Variants in ZFYVE28 observed in about 807,000 individuals in gnomAD.
ZFYVE28 encodes lateral signaling target protein 2 homolog.
ZFYVE28 carries 40 observed loss-of-function variants against 82.1 expected under a neutral mutation model. That is an observed-to-expected ratio of 0.49 (90% CI 0.38 to 0.63). The LOEUF (loss-of-function observed/expected upper bound fraction) is 0.63, where lower values mean the gene tolerates loss of function less well. ZFYVE28 is among the 30% of genes least tolerant of loss of function. The pLI is 0.00. For missense variants in ZFYVE28, 1,321 were observed against 1,242.1 expected, an observed-to-expected ratio of 1.06 and a Z score of -0.96; for synonymous variants, 612 against 546.1, an observed-to-expected ratio of 1.12 and a Z score of -1.68.
At chr4:2,381,681 A>G (rs1480334256) in intron 1 of ZFYVE28, among the ~76,000 whole-genome samples, 1 of 152,244 alleles carries the variant, frequency 6.6e-6, no homozygotes, top group Non-Finnish European at 1.5e-5. Flanking sequence ...TGCTGGGATT[A>G]TAGGCGTGAG....
chr4:2,339,220 G>A lies in ZFYVE28; in HGVS notation c.521+233C>T, dbSNP rs754975357. Among the ~76,000 whole-genome samples the A allele has an allele frequency of 3.2e-4, 48 of 150,308 alleles. No homozygotes were observed. The highest frequency in any genetic ancestry group is 3.5e-3 in the Middle Eastern group (1 of 288). ...AGCCCTTCCCCTGGAGGCCCACGGC[G>A]GCCAGATCCACACCTGTGTCCTCTG... On this transcript the variant is annotated intron_variant, in intron 4 of 12. Transcript: ENST00000290974. This position sits in a 1 kb window ranked among gnomAD's most constrained non-coding sequence, Gnocchi z 5.0.
At chr4:2,354,301 C>A (rs1017727814) in intron 1 of ZFYVE28, among the ~76,000 whole-genome samples, 1 of 152,140 alleles carries the variant, frequency 6.6e-6, no homozygotes, top group Non-Finnish European at 1.5e-5. Flanking sequence ...AGGGCCCCTG[C>A]ATTTCACCCC....
At chr4:2,412,091 G>A (rs1172686780) in intron 1 of ZFYVE28, among the ~76,000 whole-genome samples, 2 of 152,176 alleles carry the variant, frequency 1.3e-5, no homozygotes, top group Non-Finnish European at 2.9e-5. Context: ...TCCTCAGGGG[G>A]ACCTGTAACC....
intron 1 of ZFYVE28, among the ~76,000 whole-genome samples, chr4:2,401,307 C>A (rs1261244805): frequency 6.6e-6 from 1 of 152,214 alleles, no homozygotes; most frequent in Non-Finnish European, 1.5e-5. Context: ...TGCAGAGCCA[C>A]CCCAGGGGTG....
Position 2,418,498 on chromosome 4 carries a change from G to T in ZFYVE28, c.-175C>A. On this transcript the variant is annotated 5_prime_UTR_variant, in exon 1 of 13. Transcript: ENST00000290974. This position sits in a 1 kb window ranked among gnomAD's most constrained non-coding sequence, Gnocchi z 4.6. ...AGCGGGCGGCGGGCAGGTGCGCGGGGCAGGTGCGCGGCCCTGAGTATGCTC... is the reference window on the plus strand; with the variant it reads ...AGCGGGCGGCGGGCAGGTGCGCGGGTCAGGTGCGCGGCCCTGAGTATGCTC... The T allele has an allele frequency of 7.3e-6, 2 of 274,446 alleles. No homozygotes were observed. The highest frequency in any genetic ancestry group is 1.1e-5 in the Non-Finnish European group (2 of 177,408). The allele number at this position is 274,446 out of a possible 1,614,324, so 17.0% of individuals were successfully genotyped here. A position where few individuals can be genotyped will look rare whatever the true frequency, so the allele number is the denominator to read the frequency against.
In ZFYVE28 at chr4:2,372,038, C is replaced by T. The variant is rs895247652; in HGVS notation, c.40-17965G>A. Among the ~76,000 whole-genome samples, 5 of 152,044 alleles carry T rather than the reference C, an allele frequency of 3.3e-5. No individual in the cohort carries two copies. Among genetic ancestry groups the T allele is most frequent in the Non-Finnish European group, 7.4e-5 (5 of 67,992 alleles). Reference sequence around the variant, plus strand: ...GCTGGCAGGGGTGCAAGGCCATGCACGAGCCTCAGGTCAGCCCAGTGGAAG... The same window carrying T: ...GCTGGCAGGGGTGCAAGGCCATGCATGAGCCTCAGGTCAGCCCAGTGGAAG... On this transcript the variant is annotated intron_variant, in intron 1 of 12. Coordinates refer to ENST00000290974, the MANE Select transcript of ZFYVE28 (RefSeq NM_020972.3). This position sits in a 1 kb window ranked among gnomAD's most constrained non-coding sequence, Gnocchi z 5.2.
rs534442666 is a variant in ZFYVE28, at chr4:2,321,458, C to T, written c.702-1187G>A. ...TATGTGCAGTGCTGCCTCCGGGGCCCCTGTGGAGTGGCCAGCTCAGCTGGG... is the reference window on the plus strand; with the variant it reads ...TATGTGCAGTGCTGCCTCCGGGGCCTCTGTGGAGTGGCCAGCTCAGCTGGG... On this transcript the variant is annotated intron_variant, in intron 6 of 12. Transcript: ENST00000290974. 3.3e-5 allele frequency among the ~76,000 whole-genome samples: 5 copies of T among 152,220 alleles called. No individual in the cohort carries two copies. The South Asian group carries it at 1.0e-3, about 32-fold the overall frequency.
At chr4:2,351,137 G>A (rs1030432439) in intron 2 of ZFYVE28, among the ~76,000 whole-genome samples, 1 of 152,142 alleles carries the variant, frequency 6.6e-6, no homozygotes, top group Non-Finnish European at 1.5e-5. Context: ...GTGGGACTGA[G>A]CCCTCACCCT....
chr4:2,279,635 G>A (rs969784751), intron 8 of ZFYVE28, among the ~76,000 whole-genome samples: 1 of 151,978 alleles, frequency 6.6e-6, no homozygotes, highest in Non-Finnish European at 1.5e-5. Context: ...AAAAAAATTA[G>A]CCAGGCATGG....
At chr4:2,373,754 C>T (rs986514579) in intron 1 of ZFYVE28, among the ~76,000 whole-genome samples, 2 of 152,174 alleles carry the variant, frequency 1.3e-5, no homozygotes, top group African/African-American at 4.8e-5. Context: ...GTGTTCAGCT[C>T]ATTCTAAAAG....
In ZFYVE28 at chr4:2,305,320, C is replaced by A. The variant is rs1387073648; in HGVS notation, c.1020G>T (p.Gln340His). The A allele has an allele frequency of 1.2e-6, 2 of 1,613,198 alleles. No individual in the cohort carries two copies. The highest frequency in any genetic ancestry group is 1.7e-6 in the Non-Finnish European group (2 of 1,180,042). Residue 340 changes from glutamine (Q) to histidine (H), a missense_variant, in exon 8 of 13, where the codon CAG becomes CAT. Physicochemically the swap from Gln to His is conservative, Grantham distance 24. Around this residue, in one of 2 missense-constraint regions of ZFYVE28, gnomAD observed 978 missense variants for 833.7 expected, o/e 1.17. Coordinates refer to ENST00000290974, the MANE Select transcript of ZFYVE28 (RefSeq NM_020972.3). ...ELACSMQYDD[Q>H]ELEQLSRMVH... ...CCATGCGGCTGAGCTGCTCCAGCTCCTGGTCGTCGTACTGCATGGAGCAGG... is the reference window on the plus strand; with the variant it reads ...CCATGCGGCTGAGCTGCTCCAGCTCATGGTCGTCGTACTGCATGGAGCAGG...
intron 8 of ZFYVE28, among the ~76,000 whole-genome samples, chr4:2,281,283 G>A (rs924682194): frequency 5.3e-5 from 8 of 152,162 alleles, no homozygotes; most frequent in African/African-American, 1.9e-4. Context: ...GGATTTCACC[G>A]AGAGCATGAG....
At chr4:2,308,667 A>AAC (rs1553830639) in intron 7 of ZFYVE28, among the ~76,000 whole-genome samples, 1 of 100,006 alleles carries the variant, frequency 1.0e-5, no homozygotes, top group Non-Finnish European at 2.1e-5. Context: ...GAAAGAAAGA[A>AAC]AGAAAGAAAG....
intron 4 of ZFYVE28, 110 bp from the exon 5 acceptor site, chr4:2,337,606 G>A (rs1722047782): frequency 2.5e-6 from 2 of 809,346 alleles, no homozygotes; most frequent in African/African-American, 1.7e-5. Flanking sequence ...CAAGGTGGGG[G>A]CGGGGGGCCT....
rs192145320 is a variant in ZFYVE28, at chr4:2,339,842, G to A, written c.319-187C>T. ...CAGAGCAATCGTGAGGGCGATAACCGATGTCCCCCAATGTGACCCACGGGG... is the reference window on the plus strand; with the variant it reads ...CAGAGCAATCGTGAGGGCGATAACCAATGTCCCCCAATGTGACCCACGGGG... On this transcript the variant is annotated intron_variant, in intron 3 of 12. Transcript: ENST00000290974. The surrounding 1 kb of genome is among the most constrained non-coding windows in gnomAD (Gnocchi z 5.0). 7.9e-4 allele frequency among the ~76,000 whole-genome samples: 120 copies of A among 151,728 alleles called. No homozygotes were observed. The highest frequency in any genetic ancestry group is 2.7e-3 in the African/African-American group (110 of 41,416).
chr4:2,386,395 G>C (rs147943796), intron 1 of ZFYVE28, among the ~76,000 whole-genome samples: 1 of 152,202 alleles, frequency 6.6e-6, no homozygotes, highest in Non-Finnish European at 1.5e-5. Context: ...TGAGGCAGGA[G>C]AATGGCGTCA....
At chr4:2,346,398 A>G (rs758961521) in intron 2 of ZFYVE28, among the ~76,000 whole-genome samples, 147 of 151,890 alleles carry the variant, frequency 9.7e-4, no homozygotes, top group Non-Finnish European at 1.6e-3. Flanking sequence ...AAAGAAAATG[A>G]CACCAGATGG....
intron 8 of ZFYVE28, among the ~76,000 whole-genome samples, chr4:2,293,452 G>C (rs1473937793): frequency 6.6e-6 from 1 of 151,658 alleles, no homozygotes; most frequent in Non-Finnish European, 1.5e-5. Context: ...CAATCTGGAA[G>C]ATTAATCTTC....
At chr4:2,401,710 G>A (rs764288862) in intron 1 of ZFYVE28, among the ~76,000 whole-genome samples, 5 of 152,122 alleles carry the variant, frequency 3.3e-5, no homozygotes, top group South Asian at 2.1e-4. Flanking sequence ...TCGCCGCCCC[G>A]CACCGCAGTC....
Sources: gnomAD v4.1 joint callset for allele counts (sites outside exome capture counted in the v4.1 genomes callset) on GRCh38, gnomAD v4.1.1 for gene constraint, gnomAD v4.1.1 regional missense constraint, Gnocchi (gnomAD v3.1) non-coding constraint, MANE v1.5 for transcripts, NCBI Gene and HGNC (gene_info 2026-07-23, HGNC 2026-07-21) for gene names.